RBMS1: variants seen among roughly 807,000 people sequenced by gnomAD.
The protein encoded by RBMS1 is RNA binding motif single stranded interacting protein 1.
RBMS1 carries 17 observed loss-of-function variants against 62.3 expected under a neutral mutation model. That is an observed-to-expected ratio of 0.27 (90% CI 0.19 to 0.41). The LOEUF (loss-of-function observed/expected upper bound fraction) is 0.41, where lower values mean the gene tolerates loss of function less well. Ranked by LOEUF, RBMS1 falls within the 10% of genes least tolerant of loss-of-function variation. The pLI is 1.00. For synonymous variants in RBMS1, 172 were observed against 170.0 expected, an observed-to-expected ratio of 1.01 and a Z score of -0.09; for missense variants, 334 against 504.5, an observed-to-expected ratio of 0.66 and a Z score of 3.24.
chr2:160,337,471 T>C (rs1173908679), intron 2 of RBMS1, among the ~76,000 whole-genome samples: 5 of 152,158 alleles, frequency 3.3e-5, no homozygotes, highest in Non-Finnish European at 5.9e-5. Flanking sequence ...TTGGTAAGAC[T>C]AATAAATGGT....
At chr2:160,311,232 C>CTATCTATCTATATATATATA (rs1381483574) in intron 4 of RBMS1, among the ~76,000 whole-genome samples, 8 of 79,254 alleles carry the variant, frequency 1.0e-4, no homozygotes, top group Non-Finnish European at 1.5e-4. Flanking sequence ...ATCTATCTAT[C>CTATCTATCTATATATATATA]TATATATATA....
chr2:160,275,192 C>T (rs1464372817), intron 13 of RBMS1, among the ~76,000 whole-genome samples: 3 of 152,148 alleles, frequency 2.0e-5, no homozygotes, highest in Non-Finnish European at 4.4e-5. Context: ...GGAATATAAT[C>T]TTTCAATCTA....
intron 9 of RBMS1, 165 bp downstream of exon 9, chr2:160,284,610 T>A: frequency 1.6e-6 from 1 of 628,218 alleles, no homozygotes; most frequent in Admixed American, 2.6e-5. Flanking sequence ...TATACATAAA[T>A]TGCTCTGCCA....
chr2:160,449,523 T>A (rs941862970), intron 1 of RBMS1, among the ~76,000 whole-genome samples: 1 of 152,200 alleles, frequency 6.6e-6, no homozygotes, highest in African/African-American at 2.4e-5. Flanking sequence ...TCTATAACCT[T>A]ACCCCCAACC....
chr2:160,297,904 T>A (rs542216433), intron 6 of RBMS1, among the ~76,000 whole-genome samples: 1 of 152,212 alleles, frequency 6.6e-6, no homozygotes, highest in Non-Finnish European at 1.5e-5. Flanking sequence ...TGGCTTTCCA[T>A]GCCATTCCAG....
chr2:160,278,797 C>T (rs1420691386), intron 10 of RBMS1, 139 bp from the exon 11 acceptor site: 4 of 594,030 alleles, frequency 6.7e-6, no homozygotes, highest in African/African-American at 5.7e-5. Flanking sequence ...TTGCAAATGG[C>T]ATCATAAACA....
intron 1 of RBMS1, among the ~76,000 whole-genome samples, chr2:160,459,750 G>A (rs1342174570): frequency 6.6e-6 from 1 of 152,050 alleles, no homozygotes; most frequent in Non-Finnish European, 1.5e-5. Context: ...TCACAATAGG[G>A]CCTGACACTA....
At chr2:160,461,961 T>G (rs1684482302) in intron 1 of RBMS1, among the ~76,000 whole-genome samples, 1 of 152,198 alleles carries the variant, frequency 6.6e-6, no homozygotes, top group African/African-American at 2.4e-5. Context: ...TCTTCTTGAT[T>G]TAATAATTTC....
intron 1 of RBMS1, among the ~76,000 whole-genome samples, chr2:160,404,907 G>A (rs1434936748): frequency 3.9e-5 from 6 of 152,204 alleles, no homozygotes; most frequent in Admixed American, 3.9e-4. Flanking sequence ...GGTTGCTATT[G>A]AGCAGTACAT....
intron 2 of RBMS1, among the ~76,000 whole-genome samples, chr2:160,324,252 C>T (rs1690755212): frequency 6.8e-6 from 1 of 147,162 alleles, no homozygotes; most frequent in Non-Finnish European, 1.5e-5. Flanking sequence ...TGCAAGCATG[C>T]GTGCGCGTGC....
At chr2:160,484,206 T>A (rs1685489109) in intron 1 of RBMS1, among the ~76,000 whole-genome samples, 1 of 152,100 alleles carries the variant, frequency 6.6e-6, no homozygotes, top group Admixed American at 6.5e-5. Context: ...AATAAAAATG[T>A]ACGCCATAGG....
chr2:160,340,123 A>AT (rs547916022), intron 2 of RBMS1, among the ~76,000 whole-genome samples: 5 of 152,064 alleles, frequency 3.3e-5, no homozygotes, highest in African/African-American at 4.8e-5. Context: ...TTTTAATGTT[A>AT]TTTTTTTCTA....
intron 10 of RBMS1, among the ~76,000 whole-genome samples, chr2:160,280,933 T>C (rs11897932): frequency 0.017 from 2,519 of 152,282 alleles, 60 homozygotes; most frequent in African/African-American, 0.055. Flanking sequence ...CAAGTAACAC[T>C]GATGAAAATC....
At chr2:160,328,656 T>TC (rs1296602054) in intron 2 of RBMS1, among the ~76,000 whole-genome samples, 1 of 151,482 alleles carries the variant, frequency 6.6e-6, no homozygotes, top group Non-Finnish European at 1.5e-5. Context: ...ATTAGCACCC[T>TC]CCCCCCGCCC....
chr2:160,448,936 C>A (rs10803766), intron 1 of RBMS1, among the ~76,000 whole-genome samples: 75,109 of 150,054 alleles, frequency 0.5, 19,796 homozygotes, highest in Admixed American at 0.62. Context: ...AGTGCCTCTG[C>A]CCGGTCGCCA....
At chr2:160,442,330 A>G (rs538063275) in intron 1 of RBMS1, among the ~76,000 whole-genome samples, 60 of 133,054 alleles carry the variant, frequency 4.5e-4, no homozygotes, top group Non-Finnish European at 8.5e-4. Flanking sequence ...TAGTATAGAA[A>G]TAGGTATAAA....
intron 2 of RBMS1, among the ~76,000 whole-genome samples, chr2:160,324,011 G>A (rs1187833272): frequency 6.6e-6 from 1 of 152,140 alleles, no homozygotes; most frequent in African/African-American, 2.4e-5. Context: ...TTTGCACTTA[G>A]TATATAAAGC....
chr2:160,284,963 C>T, intron 8 of RBMS1, 32 bp downstream of exon 8: 1 of 1,602,194 alleles, frequency 6.2e-7, no homozygotes, highest in East Asian at 2.2e-5. Flanking sequence ...CATTTTCCCT[C>T]AAGCCATTAT....
intron 6 of RBMS1, among the ~76,000 whole-genome samples, chr2:160,294,323 G>A (rs932973036): frequency 4.6e-5 from 7 of 152,138 alleles, no homozygotes; most frequent in Non-Finnish European, 7.3e-5. Flanking sequence ...GAAAGCAGAC[G>A]GCACTAGAAA....
Sources: allele counts gnomAD v4.1 joint callset (sites outside exome capture counted in the v4.1 genomes callset), GRCh38; gene constraint gnomAD v4.1.1; transcripts MANE v1.5; gene names NCBI Gene and HGNC (gene_info 2026-07-23, HGNC 2026-07-21).